FLT3: variants seen among roughly 807,000 people sequenced by gnomAD.
FLT3 encodes the protein receptor-type tyrosine-protein kinase FLT3.
In FLT3, 46 loss-of-function variants were observed where a neutral mutation model predicts 126.6. That is an observed-to-expected ratio of 0.36 (90% confidence interval 0.29 to 0.46). The LOEUF (loss-of-function observed/expected upper bound fraction) is 0.46. Among genes scored for constraint, FLT3 ranks in the 20% least tolerant of loss-of-function variants. FLT3 has a pLI of 1.00. For synonymous variants in FLT3, 404 were observed against 434.4 expected (o/e 0.93, Z 0.87); for missense variants, 1,069 against 1,190.3 (o/e 0.90, Z 1.50).
chr13:28,015,626 A>G lies in FLT3; in HGVS notation c.2617T>C (p.Ser873Pro), dbSNP rs1224002756. 1.9e-6 allele frequency: 3 copies of G among 1,613,042 alleles called. No homozygotes were observed. The Admixed American group carries it at 5.0e-5, about 27-fold the overall frequency. The change falls in exon 21 of 24, where the codon TCA becomes CCA. Residue 873 changes from serine to proline, a missense_variant. By Grantham distance (74) the Ser-to-Pro change is moderately conservative (BLOSUM62 -1). Coordinates refer to ENST00000241453, the MANE Select transcript of FLT3 (RefSeq NM_004119.3). The stretch of plus-strand genomic sequence containing the variant: ...ATTTCCCACAGTAATATTCCATATG[A>G]CCAGACATCACTCTTAATGGTGTAG... ...GIYTIKSDVWSYGILLWEIFS... is the reference protein window; with the variant it reads ...GIYTIKSDVWPYGILLWEIFS...
chr13:28,058,216 A>AC (rs1876198985), intron 3 of FLT3, among the ~76,000 whole-genome samples: 1 of 94,084 alleles, frequency 1.1e-5, no homozygotes, highest in African/African-American at 3.5e-5. Context: ...TTAAAAAAAA[A>AC]AAACAAAAAA....
At chr13:28,052,815 A>C (rs1225085906) in intron 4 of FLT3, 141 bp from the exon 5 acceptor site, 2 of 486,636 alleles carry the variant, frequency 4.1e-6, no homozygotes, top group Admixed American at 7.5e-5. Context: ...TAATAAAGGC[A>C]TCAAAAGCAA....
intron 4 of FLT3, among the ~76,000 whole-genome samples, chr13:28,056,591 C>T (rs1876022769): frequency 6.6e-6 from 1 of 152,134 alleles, no homozygotes; most frequent in African/African-American, 2.4e-5. Flanking sequence ...AAGGAGAAGC[C>T]AGAAAGCACA....
rs1872889118 is a variant in FLT3 at position 28,027,248 on chromosome 13, T to C, written c.2054-7A>G. ...AAAATCAAGTAAATTGGTCCTGAAA[T>C]AGTTACAGTTTCAATTATAGGCATA... On this transcript the variant is annotated splice_region_variant and splice_polypyrimidine_tract_variant and intron_variant, in intron 16 of 23. Transcript: ENST00000241453. 1.2e-6 allele frequency: 2 copies of C among 1,605,918 alleles called. No individual in the cohort carries two copies. Among genetic ancestry groups the C allele is most frequent in the Non-Finnish European group, 8.5e-7 (1 of 1,174,828 alleles).
Position 28,018,379 on chromosome 13 carries a change from A to G in FLT3, c.2541+88T>C, listed in dbSNP as rs550804763. The G allele has an allele frequency of 1.6e-5, 23 of 1,461,984 alleles. No homozygotes were observed. The African/African-American group carries it at 2.7e-4, about 17-fold the overall frequency. 90.6% of individuals were successfully genotyped at this position (1,461,984 alleles called of 1,614,324 possible). A position where few individuals can be genotyped will look rare whatever the true frequency, so the allele number is the denominator to read the frequency against. ...TTTTTGATGTTACCATAAATCAAAA[A>G]TGCACCACAGTGAGTGCAGTTGTTT... On this transcript the variant is annotated intron_variant, in intron 20 of 23. Transcript: ENST00000241453.
Position 28,049,709 on chromosome 13 carries a change from T to C in FLT3, c.808A>G (p.Ile270Val). ...LFLKVGEPLW[I>V]RCKAVHVNHG... is the part of the protein sequence containing the mutation. The stretch of plus-strand genomic sequence containing the variant: ...TTCACATGAACAGCTTTGCACCTTA[T>C]CCATAAGGGTTCCCCTACTTTAAGA... The change falls in exon 7 of 24, where the codon ATA (isoleucine) becomes GTA (valine). Residue 270 changes from isoleucine (I) to valine (V), a missense_variant. Transcript: ENST00000241453. 6.2e-7 allele frequency: 1 copy of C among 1,614,140 alleles called. No individual in the cohort carries two copies.
chr13:28,038,893 C>A (rs936100095), intron 9 of FLT3, among the ~76,000 whole-genome samples: 14 of 152,030 alleles, frequency 9.2e-5, no homozygotes, highest in Admixed American at 8.5e-4. Flanking sequence ...TCAAAGATAC[C>A]TAAACCGGGT....
intron 1 of FLT3, among the ~76,000 whole-genome samples, chr13:28,079,763 C>T (rs1214681788): frequency 3.3e-5 from 5 of 152,078 alleles, no homozygotes; most frequent in African/African-American, 1.2e-4. Flanking sequence ...AAGACCAGCC[C>T]CCACGATTCA....
intron 15 of FLT3, among the ~76,000 whole-genome samples, chr13:28,032,701 GGAA>G (rs112621869): frequency 2.2e-3 from 342 of 152,306 alleles, no homozygotes; most frequent in African/African-American, 7.7e-3. Flanking sequence ...AAAGCTGGAT[GGAA>G]GAAGATGAGC....
chr13:28,064,059 C>T (rs559913039), intron 2 of FLT3, among the ~76,000 whole-genome samples: 1 of 152,158 alleles, frequency 6.6e-6, no homozygotes, highest in South Asian at 2.1e-4. Flanking sequence ...ATCACTTGAG[C>T]CCAGGAGTTC....
intron 2 of FLT3, among the ~76,000 whole-genome samples, chr13:28,062,868 C>T (rs568690022): frequency 2.0e-5 from 3 of 152,206 alleles, no homozygotes; most frequent in Non-Finnish European, 4.4e-5. Context: ...GCTCACTGCC[C>T]TTAGAAGGAA....
At chr13:28,024,061 C>T (rs1000366438) in intron 18 of FLT3, among the ~76,000 whole-genome samples, 3 of 151,956 alleles carry the variant, frequency 2.0e-5, no homozygotes, top group Non-Finnish European at 2.9e-5. Context: ...GTGCCCGGCC[C>T]ATCTATCCTA....
At chr13:28,021,112 AG>A (rs1457935080) in intron 19 of FLT3, among the ~76,000 whole-genome samples, 1 of 152,140 alleles carries the variant, frequency 6.6e-6, no homozygotes, top group Non-Finnish European at 1.5e-5. Flanking sequence ...TTCGTGGGCC[AG>A]GTACAGTGGC....
chr13:28,065,992 A>G (rs1399595883), intron 2 of FLT3, among the ~76,000 whole-genome samples: 1 of 151,970 alleles, frequency 6.6e-6, no homozygotes, highest in African/African-American at 2.4e-5. Context: ...TATATAATAA[A>G]TAAAATAAAT....
chr13:28,085,359 A>G (rs952712283), intron 1 of FLT3, among the ~76,000 whole-genome samples: 9 of 150,358 alleles, frequency 6.0e-5, no homozygotes, highest in South Asian at 2.1e-4. Context: ...AAAAAAAAAA[A>G]AAAAAAAAAG....
Position 28,070,510 on chromosome 13 carries a change from T to A in FLT3, c.146A>T (p.Lys49Met). ...NHKNNDSSVG[K>M]SSSYPMVSES... ...CTTTACCATGGGATATGATGATGAC[T>A]TCCCCACTGATGAATCATTGTTCTT... The change falls in exon 2 of 24, where the codon AAG (lysine) becomes ATG (methionine). Residue 49 changes from lysine to methionine, a missense_variant. Coordinates refer to ENST00000241453, the MANE Select transcript of FLT3 (RefSeq NM_004119.3). The A allele has an allele frequency of 6.2e-7, 1 of 1,607,614 alleles. No homozygotes were observed. The highest frequency in any genetic ancestry group is 8.5e-7 in the Non-Finnish European group (1 of 1,174,596).
chr13:28,072,377 TAC>T (rs1465570691), intron 1 of FLT3, among the ~76,000 whole-genome samples: 1 of 152,066 alleles, frequency 6.6e-6, no homozygotes, highest in Non-Finnish European at 1.5e-5. Context: ...ATTTAAGATC[TAC>T]TCTCTCTCGC....
intron 23 of FLT3, among the ~76,000 whole-genome samples, chr13:28,007,797 T>A (rs895448460): frequency 6.6e-6 from 1 of 152,186 alleles, no homozygotes; most frequent in Non-Finnish European, 1.5e-5. Flanking sequence ...GAGTTATTAA[T>A]TTTGTGGCTA....
At position 28,015,137 on chromosome 13, in the gene FLT3, A is replaced by T. The variant is rs369244249; in HGVS notation, c.2753+20T>A. The T allele has an allele frequency of 1.1e-4, 161 of 1,455,314 alleles. 1 individual carries two copies. The highest frequency in any genetic ancestry group is 1.5e-4 in the Non-Finnish European group (157 of 1,038,852). The allele number at this position is 1,455,314 out of a possible 1,614,324, so 90.2% of individuals were successfully genotyped here. A position where few individuals can be genotyped will look rare whatever the true frequency, so the allele number is the denominator to read the frequency against. On this transcript the variant is annotated intron_variant, in intron 22 of 23. Transcript: ENST00000241453. ...GTACCTTTCTGATTTCAACCAAATT[A>T]CAGTCTGACTTGAACTTACATTTCT... is the stretch of plus-strand genomic sequence containing the variant.
Sources: allele counts gnomAD v4.1 joint callset (sites outside exome capture counted in the v4.1 genomes callset), GRCh38; gene constraint gnomAD v4.1.1; transcripts MANE v1.5; gene names NCBI Gene and HGNC (gene_info 2026-07-23, HGNC 2026-07-21).